MPHOSPH9: variants seen among roughly 807,000 people sequenced by gnomAD.
MPHOSPH9 encodes M-phase phosphoprotein 9.
A neutral mutation model predicts 145.5 loss-of-function variants in MPHOSPH9; 88 were observed. The ratio of observed to expected loss-of-function variants is 0.60; its 90% CI spans 0.51 to 0.72. The LOEUF (loss-of-function observed/expected upper bound fraction) is 0.72, where lower values mean the gene tolerates loss of function less well. Among genes scored for constraint, MPHOSPH9 ranks in the 30% least tolerant of loss-of-function variants. MPHOSPH9 has a pLI of 0.00. For missense variants in MPHOSPH9, 1,238 were observed against 1,386.6 expected (o/e 0.89, Z 1.70); for synonymous variants, 435 against 486.2 (o/e 0.89, Z 1.39).
intron 21 of MPHOSPH9, 134 bp from the exon 22 acceptor site, chr12:123,161,517 T>C (rs2044105838): frequency 8.9e-6 from 8 of 901,628 alleles, no homozygotes; most frequent in Non-Finnish European, 1.0e-5. Flanking sequence ...TGAAAAGAGA[T>C]ACAATAATCA....
chr12:123,176,912 C>T, intron 15 of MPHOSPH9, 123 bp from the exon 16 acceptor site: 3 of 726,434 alleles, frequency 4.1e-6, no homozygotes, highest in Non-Finnish European at 6.9e-6. Flanking sequence ...AAGTCCATGG[C>T]CGGGAATGGT....
In MPHOSPH9 at chr12:123,200,271, T is replaced by C. The variant is rs144907043; in HGVS notation, c.1937+1893A>G. On this transcript the variant is annotated intron_variant, in intron 11 of 23. Coordinates refer to ENST00000606320, the MANE Select transcript of MPHOSPH9 (RefSeq NM_022782.4). ...TCCAGTTCTAAATGACTGCCACGTATTTTGTTTCTACTGTCCTCTGTAACA... is the reference window on the plus strand; with the variant it reads ...TCCAGTTCTAAATGACTGCCACGTACTTTGTTTCTACTGTCCTCTGTAACA... 1.7e-3 allele frequency among the ~76,000 whole-genome samples: 254 copies of C among 152,216 alleles called. 1 individual carries two copies. Among genetic ancestry groups the C allele is most frequent in the African/African-American group, 5.7e-3 (238 of 41,542 alleles).
intron 16 of MPHOSPH9, among the ~76,000 whole-genome samples, 166 bp downstream of exon 16, chr12:123,176,522 C>T (rs1054375615): frequency 1.3e-5 from 2 of 152,168 alleles, no homozygotes; most frequent in African/African-American, 2.4e-5. Flanking sequence ...TTAGCAAATG[C>T]CTCTGCATAA....
chr12:123,168,810 G>T (rs1323364257), intron 16 of MPHOSPH9, among the ~76,000 whole-genome samples: 1 of 151,642 alleles, frequency 6.6e-6, no homozygotes, highest in Non-Finnish European at 1.5e-5. Flanking sequence ...TTTTCTCTCT[G>T]TCCCCTTTCA....
intron 2 of MPHOSPH9, among the ~76,000 whole-genome samples, chr12:123,228,143 T>C (rs1022611900): frequency 1.3e-5 from 2 of 152,186 alleles, no homozygotes; most frequent in African/African-American, 4.8e-5. Context: ...TTTAGCCTAC[T>C]CAGTGTGTAA....
intron 19 of MPHOSPH9, chr12:123,163,740 A>C (rs2044200634): frequency 4.3e-6 from 2 of 461,322 alleles, no homozygotes; most frequent in African/African-American, 1.9e-5. Context: ...CACTTTAATA[A>C]ACAGATTTCT....
intron 13 of MPHOSPH9, among the ~76,000 whole-genome samples, chr12:123,188,188 G>A (rs951199536): frequency 2.0e-5 from 3 of 152,082 alleles, no homozygotes; most frequent in Non-Finnish European, 4.4e-5. Flanking sequence ...AAAGAAGATG[G>A]ATGCAATACG....
At chr12:123,216,809 C>T (rs761703636) in intron 6 of MPHOSPH9, among the ~76,000 whole-genome samples, 2 of 151,824 alleles carry the variant, frequency 1.3e-5, no homozygotes, top group African/African-American at 2.4e-5. Flanking sequence ...ACCAACATGG[C>T]GAGACCCCAT....
intron 8 of MPHOSPH9, among the ~76,000 whole-genome samples, chr12:123,205,621 C>G (rs1034829419): frequency 6.6e-6 from 1 of 152,086 alleles, no homozygotes; most frequent in Non-Finnish European, 1.5e-5. Flanking sequence ...CCTAAAGAAG[C>G]CTTTTCAAGA....
At chr12:123,206,496 A>AGAGAG (rs144778055) in intron 8 of MPHOSPH9, among the ~76,000 whole-genome samples, 1 of 128,610 alleles carries the variant, frequency 7.8e-6, no homozygotes, top group Non-Finnish European at 1.8e-5. Context: ...GGAGAAGAGA[A>AGAGAG]GAGAGGAGAG....
At chr12:123,184,529 G>T (rs1412417525) in intron 13 of MPHOSPH9, among the ~76,000 whole-genome samples, 21 of 148,738 alleles carry the variant, frequency 1.4e-4, no homozygotes, top group Admixed American at 1.3e-3. Context: ...ATGGAGTCTT[G>T]CTCTGTCGCC....
chr12:123,220,236 T>C (rs901431361), intron 5 of MPHOSPH9, among the ~76,000 whole-genome samples: 1 of 151,068 alleles, frequency 6.6e-6, no homozygotes, highest in African/African-American at 2.4e-5. Flanking sequence ...AACAAAAACA[T>C]TCAGCAACAT....
In MPHOSPH9 at chr12:123,161,114, A is replaced by G. The variant is rs779457135; in HGVS notation, c.3381+22T>C. ...GCATTAAGTTCAGAAAACAATTTTT[A>G]AAAATATTTGTTTGTTTTTACCTGG... On this transcript the variant is annotated intron_variant, in intron 22 of 23. Coordinates refer to ENST00000606320, the MANE Select transcript of MPHOSPH9 (RefSeq NM_022782.4). 3.1e-6 allele frequency: 5 copies of G among 1,609,974 alleles called. No individual in the cohort carries two copies. The East Asian group carries it at 1.1e-4, about 36-fold the overall frequency.
intron 12 of MPHOSPH9, among the ~76,000 whole-genome samples, chr12:123,196,065 A>G (rs1391867641): frequency 2.0e-5 from 3 of 151,776 alleles, no homozygotes; most frequent in Admixed American, 1.3e-4. Flanking sequence ...TGAAAACAAC[A>G]TATAAAACAA....
chr12:123,221,042 G>A (rs564196071), intron 5 of MPHOSPH9, among the ~76,000 whole-genome samples: 13 of 152,238 alleles, frequency 8.5e-5, no homozygotes, highest in Admixed American at 5.9e-4. Context: ...GTGACAGAGC[G>A]AGACTCCGTC....
intron 5 of MPHOSPH9, among the ~76,000 whole-genome samples, chr12:123,220,060 G>A (rs1565968259): frequency 6.6e-6 from 1 of 151,832 alleles, no homozygotes; most frequent in Non-Finnish European, 1.5e-5. Flanking sequence ...CGGACGTGGC[G>A]GTACATGCCT....
At chr12:123,241,502 C>G (rs1241793906) in intron 1 of MPHOSPH9, among the ~76,000 whole-genome samples, 1 of 151,950 alleles carries the variant, frequency 6.6e-6, no homozygotes, top group Non-Finnish European at 1.5e-5. Flanking sequence ...CCACCCCCAG[C>G]TAATTTTTTG....
intron 17 of MPHOSPH9, among the ~76,000 whole-genome samples, chr12:123,165,864 C>A (rs548122415): frequency 6.6e-6 from 1 of 152,154 alleles, no homozygotes; most frequent in Admixed American, 6.5e-5. Context: ...TTATAACAGT[C>A]CAAGCTAAAA....
In MPHOSPH9 at chr12:123,202,230, TTC is replaced by T. The variant is rs2046253376; in HGVS notation, c.1869_1870del (p.Lys624AlafsTer10). ...TCCAGAGATTTCTTTTGCCTCCAGC[TTC>T]TGTTTCAAACTATTTATTTCTGATT... On this transcript the variant is annotated frameshift_variant, in exon 11 of 24. Coordinates refer to ENST00000606320, the MANE Select transcript of MPHOSPH9 (RefSeq NM_022782.4). LOFTEE classifies it high-confidence loss of function. 6.2e-7 allele frequency: 1 copy of T among 1,613,568 alleles called. No individual in the cohort carries two copies. Among genetic ancestry groups the T allele is most frequent in the Non-Finnish European group, 8.5e-7 (1 of 1,179,864 alleles).
Sources: gnomAD v4.1 joint callset for allele counts (sites outside exome capture counted in the v4.1 genomes callset) on GRCh38, gnomAD v4.1.1 for gene constraint, MANE v1.5 for transcripts, NCBI Gene and HGNC (gene_info 2026-07-23, HGNC 2026-07-21) for gene names.